Variants in TPP2 observed in about 807,000 individuals in gnomAD.
TPP2 encodes the protein tripeptidyl peptidase 2, also known as tripeptidyl-peptidase 2.
In TPP2, 34 loss-of-function variants were observed where a neutral mutation model predicts 155.9. The observed-to-expected ratio is 0.22, with a 90% CI of 0.17 to 0.29. The LOEUF (loss-of-function observed/expected upper bound fraction) is 0.29, where lower values mean the gene tolerates loss of function less well. Ranked by LOEUF, TPP2 falls within the 10% of genes least tolerant of loss-of-function variation. The probability of loss-of-function intolerance (pLI) is 1.00; values close to 1 mark genes in which losing one functional copy is unlikely to be tolerated. For missense variants in TPP2, 1,028 were observed against 1,522.3 expected, an observed-to-expected ratio of 0.68 and a Z score of 5.40; for synonymous variants, 510 against 529.4, an observed-to-expected ratio of 0.96 and a Z score of 0.50.
intron 23 of TPP2, among the ~76,000 whole-genome samples, chr13:102,650,926 G>A (rs1036341154): frequency 1.1e-4 from 16 of 151,914 alleles, no homozygotes; most frequent in Non-Finnish European, 2.2e-4. Context: ...GTGGTTTAGC[G>A]TTTTCTTGTT....
chr13:102,621,033 T>C (rs1881121687), intron 5 of TPP2, among the ~76,000 whole-genome samples: 1 of 152,210 alleles, frequency 6.6e-6, no homozygotes, highest in African/African-American at 2.4e-5. Context: ...TTGATATCCT[T>C]TCTCTGTATT....
At chr13:102,630,826 C>T (rs781124299) in intron 10 of TPP2, among the ~76,000 whole-genome samples, 30 of 152,046 alleles carry the variant, frequency 2.0e-4, no homozygotes, top group Non-Finnish European at 3.2e-4. Flanking sequence ...AAAAATAAAG[C>T]CTATTTTAAT....
intron 6 of TPP2, 63 bp downstream of exon 6, chr13:102,623,103 G>A (rs755011478): frequency 2.2e-5 from 33 of 1,513,436 alleles, no homozygotes; most frequent in Admixed American, 6.3e-5. Flanking sequence ...GGTACGTTGC[G>A]ATAGCTCACA....
intron 17 of TPP2, 107 bp downstream of exon 17, chr13:102,643,483 G>A: frequency 8.9e-7 from 1 of 1,129,710 alleles, no homozygotes; most frequent in Non-Finnish European, 1.1e-6. Flanking sequence ...TTAGCATGTT[G>A]GGATTATATA....
At chr13:102,660,642 T>C (rs1185015322) in intron 25 of TPP2, among the ~76,000 whole-genome samples, 1 of 152,216 alleles carries the variant, frequency 6.6e-6, no homozygotes, top group Non-Finnish European at 1.5e-5. Flanking sequence ...CTAAAAGTCA[T>C]ATGTGATTCC....
intron 14 of TPP2, 129 bp downstream of exon 14, chr13:102,637,368 G>A (rs1811953530): frequency 1.0e-6 from 1 of 974,592 alleles, no homozygotes; most frequent in Non-Finnish European, 1.4e-6. Context: ...CCATCTGCCA[G>A]GTTATTCAGT....
At chr13:102,605,081 T>C (rs1331742061) in intron 2 of TPP2, among the ~76,000 whole-genome samples, 160 bp downstream of exon 2, 1 of 152,116 alleles carries the variant, frequency 6.6e-6, no homozygotes, top group Non-Finnish European at 1.5e-5. Context: ...ATTTATTACC[T>C]CGGAGTTTCT....
At chr13:102,647,139 A>G in intron 20 of TPP2, 68 bp from the exon 21 acceptor site, 2 of 1,472,594 alleles carry the variant, frequency 1.4e-6, no homozygotes, top group Non-Finnish European at 1.8e-6. Flanking sequence ...TGTCAATAAC[A>G]ATATTAAAAA....
intron 28 of TPP2, among the ~76,000 whole-genome samples, chr13:102,675,052 A>G (rs1237651335): frequency 6.6e-6 from 1 of 152,244 alleles, no homozygotes; most frequent in Non-Finnish European, 1.5e-5. Flanking sequence ...TTCTTGCAAT[A>G]GCGTTTATAC....
intron 14 of TPP2, among the ~76,000 whole-genome samples, chr13:102,637,865 G>C (rs1882487751): frequency 6.6e-6 from 1 of 152,134 alleles, no homozygotes; most frequent in Non-Finnish European, 1.5e-5. Flanking sequence ...ATACCTTTTA[G>C]TACTCAGATG....
At chr13:102,631,582 T>C (rs1882023248) in intron 10 of TPP2, 1 of 152,264 alleles carries the variant, frequency 6.6e-6, no homozygotes, top group Non-Finnish European at 1.5e-5. Context: ...AAAAACAAAG[T>C]ATTAGAGAAT....
chr13:102,669,729 G>C (rs1789954699), intron 27 of TPP2, among the ~76,000 whole-genome samples: 2 of 150,684 alleles, frequency 1.3e-5, no homozygotes, highest in South Asian at 4.2e-4. Context: ...TCCAATTTTG[G>C]TGGAAACATT....
chr13:102,654,686 C>G (rs1433868944), intron 24 of TPP2, among the ~76,000 whole-genome samples: 1 of 152,146 alleles, frequency 6.6e-6, no homozygotes, highest in Non-Finnish European at 1.5e-5. Context: ...GACCACTCTT[C>G]TAGCACACTG....
chr13:102,631,405 C>T (rs1385149717), intron 10 of TPP2: 1 of 152,070 alleles, frequency 6.6e-6, no homozygotes, highest in African/African-American at 2.4e-5. Flanking sequence ...TGTAGACTGC[C>T]CCTGCCAGCC....
chr13:102,675,712 C>G (rs996224217), intron 28 of TPP2, among the ~76,000 whole-genome samples: 1 of 152,164 alleles, frequency 6.6e-6, no homozygotes, highest in Non-Finnish European at 1.5e-5. Context: ...CATTCTATTA[C>G]CTGTTTACTG....
intron 1 of TPP2, among the ~76,000 whole-genome samples, chr13:102,601,297 T>C (rs1434481589): frequency 6.6e-6 from 1 of 152,238 alleles, no homozygotes; most frequent in African/African-American, 2.4e-5. Context: ...TCAGTACCTT[T>C]CCTGAAATTT....
intron 25 of TPP2, among the ~76,000 whole-genome samples, chr13:102,659,489 C>T (rs973987280): frequency 1.1e-4 from 16 of 152,248 alleles, no homozygotes; most frequent in Middle Eastern, 3.4e-3. Context: ...TCATCACTTA[C>T]AAGGAAATGC....
At chr13:102,613,036 T>C (rs1005307234) in intron 2 of TPP2, among the ~76,000 whole-genome samples, 1 of 152,330 alleles carries the variant, frequency 6.6e-6, no homozygotes, top group South Asian at 2.1e-4. Context: ...CGTGGGCTGT[T>C]GCAAAAACAT....
intron 1 of TPP2, among the ~76,000 whole-genome samples, chr13:102,599,062 C>T (rs1481488763): frequency 2.6e-5 from 4 of 152,052 alleles, no homozygotes; most frequent in South Asian, 4.1e-4. Context: ...AGGTAGTGAG[C>T]GTGGTACCCA....
Sources: gnomAD v4.1 joint callset for allele counts (sites outside exome capture counted in the v4.1 genomes callset) on GRCh38, gnomAD v4.1.1 for gene constraint, MANE v1.5 for transcripts, NCBI Gene and HGNC (gene_info 2026-07-23, HGNC 2026-07-21) for gene names.